Variants in ARL13B observed in about 807,000 individuals in gnomAD.
ARL13B encodes ARF like GTPase 13B.
A neutral mutation model predicts 56.1 loss-of-function variants in ARL13B; 36 were observed. That is an observed-to-expected ratio of 0.64 (90% CI 0.49 to 0.85). The LOEUF (loss-of-function observed/expected upper bound fraction) is 0.85. Ranked by LOEUF, ARL13B falls within the 40% of genes least tolerant of loss-of-function variation. ARL13B has a pLI of 0.00. For synonymous variants in ARL13B, 178 were observed against 171.1 expected (o/e 1.04, Z -0.32); for missense variants, 519 against 507.1 (o/e 1.02, Z -0.23).
intron 3 of ARL13B, among the ~76,000 whole-genome samples, chr3:94,018,488 A>G (rs2076380278): frequency 6.6e-6 from 1 of 151,572 alleles, no homozygotes; most frequent in Admixed American, 6.6e-5. Flanking sequence ...GCTACTCCTT[A>G]TCTCCCCCAC....
intron 3 of ARL13B, among the ~76,000 whole-genome samples, chr3:94,016,061 G>T (rs1052677829): frequency 1.3e-4 from 19 of 151,978 alleles, no homozygotes; most frequent in Admixed American, 1.2e-3. Flanking sequence ...CACATGCTGT[G>T]TTGGTAGTTA....
chr3:94,002,544 T>C (rs1295346261), intron 2 of ARL13B, among the ~76,000 whole-genome samples: 1 of 152,180 alleles, frequency 6.6e-6, no homozygotes, highest in Admixed American at 6.5e-5. Flanking sequence ...ATTCCAGTGA[T>C]GAAGAAAAAA....
At chr3:94,048,761 G>T (rs774013891) in intron 7 of ARL13B, among the ~76,000 whole-genome samples, 169 of 148,542 alleles carry the variant, frequency 1.1e-3, no homozygotes, top group Middle Eastern at 3.4e-3. Context: ...CCATGCTGGG[G>T]TTTTTTTTTT....
At chr3:94,025,154 A>C (rs1217270758) in intron 3 of ARL13B, among the ~76,000 whole-genome samples, 1 of 152,064 alleles carries the variant, frequency 6.6e-6, no homozygotes, top group African/African-American at 2.4e-5. Context: ...TTCCCTGAAC[A>C]TGCACCACAC....
intron 1 of ARL13B, among the ~76,000 whole-genome samples, chr3:93,989,210 AT>A (rs1710621392): frequency 6.6e-6 from 1 of 152,212 alleles, no homozygotes; most frequent in African/African-American, 2.4e-5. Flanking sequence ...ATTTATATAA[AT>A]TAGCTTCATT....
chr3:94,006,591 C>T (rs1158624763), intron 3 of ARL13B, among the ~76,000 whole-genome samples: 1 of 152,128 alleles, frequency 6.6e-6, no homozygotes, highest in Non-Finnish European at 1.5e-5. Context: ...GCCCCCCAAG[C>T]TCTCCTCTAC....
intron 1 of ARL13B, among the ~76,000 whole-genome samples, chr3:93,986,257 TC>T (rs1388254874): frequency 6.6e-6 from 1 of 152,184 alleles, no homozygotes; most frequent in East Asian, 1.9e-4. Context: ...TTTGACTTGA[TC>T]AGGGCTTAAA....
At chr3:94,043,480 T>C (rs1015570208) in intron 7 of ARL13B, among the ~76,000 whole-genome samples, 51 of 148,482 alleles carry the variant, frequency 3.4e-4, no homozygotes, top group African/African-American at 1.2e-3. Context: ...GAAAATTCCA[T>C]TTTTATTTTC....
chr3:94,015,058 A>G (rs572127548), intron 3 of ARL13B: 9 of 1,613,916 alleles, frequency 5.6e-6, no homozygotes, highest in African/African-American at 5.3e-5. Flanking sequence ...TTGCTGCCCA[A>G]ATTTTTGAAC....
intron 7 of ARL13B, among the ~76,000 whole-genome samples, chr3:94,047,050 A>G (rs2076995554): frequency 6.6e-6 from 1 of 152,164 alleles, no homozygotes; most frequent in Non-Finnish European, 1.5e-5. Context: ...GCAAATAAAT[A>G]TTGTCTTTAT....
At chr3:94,012,261 A>G (rs1559983170) in intron 3 of ARL13B, among the ~76,000 whole-genome samples, 1 of 152,124 alleles carries the variant, frequency 6.6e-6, no homozygotes, top group Non-Finnish European at 1.5e-5. Context: ...AAGCACTCCT[A>G]CTGATATAGC....
intron 3 of ARL13B, among the ~76,000 whole-genome samples, chr3:94,034,311 AT>A (rs1256572679): frequency 2.6e-5 from 4 of 152,030 alleles, no homozygotes; most frequent in Admixed American, 6.6e-5. Context: ...GGTTCGTTAG[AT>A]TTCTTAGTCT....
chr3:94,011,858 T>C (rs1303756689), intron 3 of ARL13B, among the ~76,000 whole-genome samples: 1 of 152,116 alleles, frequency 6.6e-6, no homozygotes. Flanking sequence ...GTGGCTGCTG[T>C]ATTTCTTCAT....
chr3:93,995,764 G>A, intron 1 of ARL13B, 110 bp from the exon 2 acceptor site: 1 of 970,140 alleles, frequency 1.0e-6, no homozygotes, highest in South Asian at 1.5e-5. Context: ...AGATTTTCTT[G>A]TGCTTAATAG....
chr3:94,000,249 T>C (rs554856634), intron 2 of ARL13B, among the ~76,000 whole-genome samples: 4 of 152,282 alleles, frequency 2.6e-5, no homozygotes, highest in African/African-American at 7.2e-5. Context: ...ACTGTGGAAA[T>C]TGGCAGATAC....
chr3:94,035,983 A>G (rs1179393954), intron 4 of ARL13B, among the ~76,000 whole-genome samples: 1 of 152,016 alleles, frequency 6.6e-6, no homozygotes, highest in Non-Finnish European at 1.5e-5. Context: ...TGAGGTGGGA[A>G]GACCACTGGA....
intron 3 of ARL13B, among the ~76,000 whole-genome samples, chr3:94,026,587 CAA>C (rs1309974018): frequency 2.6e-5 from 4 of 152,016 alleles, no homozygotes; most frequent in Admixed American, 2.6e-4. Context: ...CAAAATGAGA[CAA>C]ATAAGCATGT....
chr3:94,031,863 T>C (rs1459434283), intron 3 of ARL13B, among the ~76,000 whole-genome samples: 1 of 152,014 alleles, frequency 6.6e-6, no homozygotes, highest in East Asian at 1.9e-4. Flanking sequence ...GCTAGGAAAA[T>C]TCAATTGCCA....
At position 94,041,797 on chromosome 3, in the gene ARL13B, AGGCACGGT is replaced by A. The variant is rs563779829; in HGVS notation, c.799-1214_799-1207del. Among the ~76,000 whole-genome samples the A allele has an allele frequency of 5.9e-5, 9 of 152,298 alleles. No homozygotes were observed. In the East Asian group the frequency reaches 1.7e-3, roughly 29 times the overall value. On this transcript the variant is annotated intron_variant, in intron 6 of 9. Transcript: ENST00000394222. Reference sequence around the variant, plus strand: ...AAATTAAAAATGTCAATAAGTGGCCAGGCACGGTGGCTCACGCCTGTAATCCCAGCACT... The same window carrying A: ...AAATTAAAAATGTCAATAAGTGGCCAGGCTCACGCCTGTAATCCCAGCACT...
Sources: gnomAD v4.1 joint callset for allele counts (sites outside exome capture counted in the v4.1 genomes callset) on GRCh38, gnomAD v4.1.1 for gene constraint, MANE v1.5 for transcripts, NCBI Gene and HGNC (gene_info 2026-07-23, HGNC 2026-07-21) for gene names.